Variants in EYA1 observed in about 807,000 individuals in gnomAD.
EYA1 encodes the protein protein phosphatase EYA1.
EYA1 carries 16 observed loss-of-function variants against 82.0 expected under a neutral mutation model. The ratio of observed to expected loss-of-function variants is 0.20; its 90% CI spans 0.13 to 0.30. EYA1 has a LOEUF of 0.30. Among genes scored for constraint, EYA1 ranks in the 10% least tolerant of loss-of-function variants. The pLI is 1.00. For synonymous variants in EYA1, 261 were observed against 264.4 expected, an observed-to-expected ratio of 0.99 and a Z score of 0.12; for missense variants, 633 against 730.7, an observed-to-expected ratio of 0.87 and a Z score of 1.54.
intron 11 of EYA1, among the ~76,000 whole-genome samples, chr8:71,254,624 A>T (rs1286478976): frequency 6.6e-6 from 1 of 152,186 alleles, no homozygotes; most frequent in Non-Finnish European, 1.5e-5. Flanking sequence ...CATCATACTC[A>T]ATGGTAAATG....
chr8:71,232,878 CA>C (rs1167149310), intron 12 of EYA1, among the ~76,000 whole-genome samples: 1 of 152,154 alleles, frequency 6.6e-6, no homozygotes, highest in Non-Finnish European at 1.5e-5. Flanking sequence ...ATAACAGCAG[CA>C]TAGACTTCCT....
At chr8:71,380,524 C>T (rs1302201601) in intron 2 of EYA1, among the ~76,000 whole-genome samples, 4 of 152,174 alleles carry the variant, frequency 2.6e-5, no homozygotes, top group Non-Finnish European at 5.9e-5. Flanking sequence ...ATGCTTTCTT[C>T]TTCTAGTCAT....
intron 11 of EYA1, among the ~76,000 whole-genome samples, chr8:71,250,725 C>T (rs906895298): frequency 2.0e-5 from 3 of 152,162 alleles, no homozygotes; most frequent in African/African-American, 7.2e-5. Context: ...AAGCTTTAGG[C>T]TATGATTCCT....
At chr8:71,309,235 G>A (rs2120995) in intron 7 of EYA1, among the ~76,000 whole-genome samples, 83,813 of 152,006 alleles carry the variant, frequency 0.55, 23,311 homozygotes, top group East Asian at 0.74. Flanking sequence ...AGAAAACAAT[G>A]TTGGTATGGG....
intron 9 of EYA1, among the ~76,000 whole-genome samples, chr8:71,291,303 T>C (rs1297131275): frequency 6.6e-6 from 1 of 152,216 alleles, no homozygotes; most frequent in Non-Finnish European, 1.5e-5. Context: ...GGCGCTTTGC[T>C]CTACTTTCTT....
chr8:71,299,626 T>C lies in EYA1; in HGVS notation c.639+12A>G, dbSNP rs760887922. On this transcript the variant is annotated intron_variant, in intron 8 of 17. Transcript: ENST00000340726. ...GATATTTTTCAGAAGTTAAACTGGC[T>C]TTTTAAATTACCTGCTGTGAACTAT... 1 of 1,478,960 alleles carries C rather than the reference T, an allele frequency of 6.8e-7. No individual in the cohort carries two copies. The highest frequency in any genetic ancestry group is 9.5e-7 in the Non-Finnish European group (1 of 1,058,018). The allele number at this position is 1,478,960 out of a possible 1,614,324, so 91.6% of individuals were successfully genotyped here. A position where few individuals can be genotyped will look rare whatever the true frequency, so the allele number is the denominator to read the frequency against.
Position 71,449,707 on chromosome 8 carries a change from C to T in EYA1, c.33+86037G>A, listed in dbSNP as rs373407155. On this transcript the variant is annotated intron_variant, in intron 2 of 18. Transcript: ENST00000643681. ...CCCCTAACCAGAGAGTCAGCCTGACCTTTGAAGCTTTGAAACCAGGCATTG... is the reference window on the plus strand; with the variant it reads ...CCCCTAACCAGAGAGTCAGCCTGACTTTTGAAGCTTTGAAACCAGGCATTG... 5.3e-5 allele frequency among the ~76,000 whole-genome samples: 8 copies of T among 152,314 alleles called. 1 individual carries two copies. The highest frequency in any genetic ancestry group is 1.4e-4 in the African/African-American group (6 of 41,574).
chr8:71,477,281 A>T (rs1301190480), intron 2 of EYA1, among the ~76,000 whole-genome samples: 1 of 152,176 alleles, frequency 6.6e-6, no homozygotes, highest in East Asian at 1.9e-4. Context: ...TAAAAAAGAC[A>T]AGCTACAGAA....
intron 9 of EYA1, among the ~76,000 whole-genome samples, chr8:71,281,008 G>A (rs1477751502): frequency 2.0e-5 from 3 of 152,128 alleles, no homozygotes; most frequent in African/African-American, 4.8e-5. Flanking sequence ...CTGCCTGCCT[G>A]GGCCACCAGA....
intron 11 of EYA1, 76 bp from the exon 12 acceptor site, chr8:71,244,768 G>T: frequency 1.1e-6 from 1 of 879,306 alleles, no homozygotes; most frequent in Non-Finnish European, 1.9e-6. Flanking sequence ...TTAAGAGGAA[G>T]CAGGCATTGG....
intron 7 of EYA1, among the ~76,000 whole-genome samples, chr8:71,310,088 C>T (rs1490712791): frequency 6.6e-6 from 1 of 152,084 alleles, no homozygotes; most frequent in Non-Finnish European, 1.5e-5. Context: ...TGGGAATGTC[C>T]TATACCATTA....
intron 2 of EYA1, among the ~76,000 whole-genome samples, chr8:71,414,693 C>T (rs1181856233): frequency 6.6e-6 from 1 of 152,152 alleles, no homozygotes; most frequent in Non-Finnish European, 1.5e-5. Context: ...AATTTTTCCA[C>T]AAAGTAAGCC....
chr8:71,215,322 C>A, intron 16 of EYA1, 65 bp downstream of exon 16: 1 of 1,515,648 alleles, frequency 6.6e-7, no homozygotes. Context: ...TCATTTATTG[C>A]CTTTCGTTTT....
chr8:71,468,353 G>A (rs933621603), intron 2 of EYA1, among the ~76,000 whole-genome samples: 2 of 152,050 alleles, frequency 1.3e-5, no homozygotes, highest in African/African-American at 4.8e-5. Context: ...AGGCACACCA[G>A]CTTTGCAATT....
intron 4 of EYA1, among the ~76,000 whole-genome samples, chr8:71,331,830 A>T (rs112368927): frequency 0.011 from 1,713 of 152,118 alleles, 29 homozygotes; most frequent in African/African-American, 0.039. Flanking sequence ...CCAGTTCAAC[A>T]CTATTGCTTT....
At chr8:71,355,601 A>C (rs1328536172) in intron 2 of EYA1, among the ~76,000 whole-genome samples, 1 of 152,204 alleles carries the variant, frequency 6.6e-6, no homozygotes, top group Non-Finnish European at 1.5e-5. Flanking sequence ...CCAGTTGAAA[A>C]AGGATAAGGC....
Position 71,204,339 on chromosome 8 carries a change from G to GT in EYA1, c.1699-4920dup, listed in dbSNP as rs144316235. ...AACAACCATATAAAAAGCTGGGTAT[G>GT]TGGATACATATATGTAAGCAGAATT... On this transcript the variant is annotated intron_variant, in intron 17 of 17. Transcript: ENST00000340726. 4.1e-3 allele frequency: 618 copies of GT among 152,320 alleles called. 5 individuals are homozygous for GT. The highest frequency in any genetic ancestry group is 0.014 in the African/African-American group (599 of 41,562). The allele number at this position is 152,320 out of a possible 1,614,324, so 9.4% of individuals were successfully genotyped here.
intron 9 of EYA1, among the ~76,000 whole-genome samples, chr8:71,283,046 G>A (rs1486233212): frequency 2.7e-5 from 4 of 150,154 alleles, no homozygotes; most frequent in Admixed American, 2.0e-4. Context: ...CACTGCTCAT[G>A]TTATTCAAAA....
At chr8:71,384,006 G>C (rs1240746739) in intron 2 of EYA1, among the ~76,000 whole-genome samples, 7 of 151,582 alleles carry the variant, frequency 4.6e-5, no homozygotes, top group Non-Finnish European at 1.0e-4. Flanking sequence ...TAGAACATTT[G>C]TTACTATCTT....
Sources: gnomAD v4.1 joint callset for allele counts (sites outside exome capture counted in the v4.1 genomes callset) on GRCh38, gnomAD v4.1.1 for gene constraint, MANE v1.5 for transcripts, NCBI Gene and HGNC (gene_info 2026-07-23, HGNC 2026-07-21) for gene names.